The following SETX variants were observed in gnomAD, a reference collection of about 807,000 sequenced individuals.
SETX encodes helicase senataxin.
Under a neutral mutation model 227.2 loss-of-function variants are expected in SETX, and 90 were observed. The observed-to-expected ratio is 0.40, with a 90% CI of 0.33 to 0.47. The LOEUF is 0.47. SETX is among the 20% of genes least tolerant of loss of function. The pLI is 0.91. For synonymous variants in SETX, 1,210 were observed against 1,113.2 expected, an observed-to-expected ratio of 1.09 and a Z score of -1.73; for missense variants, 3,052 against 3,181.5, an observed-to-expected ratio of 0.96 and a Z score of 0.98.
At chr9:132,356,402 A>G (rs1244996922), upstream of SETX, among the ~76,000 whole-genome samples, 5 of 152,174 alleles carry the variant, frequency 3.3e-5, no homozygotes, top group East Asian at 7.7e-4. Flanking sequence ...GGGTTTCACC[A>G]TGTTGGCCAG....
In SETX at chr9:132,349,453, G is replaced by C. The variant is rs376327206; in HGVS notation, c.-7-18C>G. 8 of 1,613,702 alleles carry C rather than the reference G, an allele frequency of 5.0e-6. No individual in the cohort carries two copies. The Middle Eastern group carries it at 4.9e-4, about 99-fold the overall frequency. On this transcript the variant is annotated intron_variant, in intron 2 of 25. Coordinates refer to ENST00000224140, the MANE Select transcript of SETX (RefSeq NM_015046.7). The stretch of plus-strand genomic sequence containing the variant: ...TTCTGTACCTACAGCCAGAAAAGAT[G>C]ACATCAAGAAGAAAACCAACTTCAG...
chr9:132,265,528 T>A (rs952406132), intron 25 of SETX, among the ~76,000 whole-genome samples: 4 of 152,128 alleles, frequency 2.6e-5, no homozygotes, highest in African/African-American at 9.7e-5. Flanking sequence ...CTGGCCGAAC[T>A]TCAGCCATTT....
At chr9:132,336,230 G>T in intron 6 of SETX, 66 bp downstream of exon 6, 1 of 1,368,730 alleles carries the variant, frequency 7.3e-7, no homozygotes, top group Non-Finnish European at 1.0e-6. Flanking sequence ...GCAACAGAGT[G>T]AGACTGTCTC....
At position 132,333,409 on chromosome 9, in the gene SETX, AT is replaced by A. The variant is rs1376863643; in HGVS notation, c.838+1198del. On this transcript the variant is annotated intron_variant, in intron 7 of 25. Coordinates refer to ENST00000224140, the MANE Select transcript of SETX (RefSeq NM_015046.7). ...AAAAAAAAAAAAAAGAAAAAAAAAA[AT>A]ATATATACACACACACACACACACA... Among the ~76,000 whole-genome samples, 19 of 21,334 alleles carry A rather than the reference AT, an allele frequency of 8.9e-4. 1 individual carries two copies. Among genetic ancestry groups the A allele is most frequent in the African/African-American group, 2.0e-3 (11 of 5,518 alleles). The allele number at this position is 21,334 out of a possible 152,430, so 14.0% of individuals were successfully genotyped here. A position where few individuals can be genotyped will look rare whatever the true frequency, so the allele number is the denominator to read the frequency against.
Position 132,278,189 on chromosome 9 carries a change from T to C in SETX, c.6723A>G (p.Val2241=), listed in dbSNP as rs776133022. The change falls in exon 21 of 26, where the codon GTA becomes GTG. Residue 2241 remains valine (V), a synonymous_variant. Transcript: ENST00000224140. ...ARFCRLLEEN[V]EHNMISRLPI... ...GCAGCCTGCTGATCATGTTGTGTTC[T>C]ACATTCTCTTCCAGCAGTCTGCAGA... 1.2e-6 allele frequency: 2 copies of C among 1,614,224 alleles called. No individual in the cohort carries two copies.
At chr9:132,323,717 C>T (rs1026991081) in intron 10 of SETX, among the ~76,000 whole-genome samples, 5 of 152,032 alleles carry the variant, frequency 3.3e-5, no homozygotes, top group African/African-American at 1.2e-4. Context: ...GCCTAGGCAA[C>T]ATGGGAAAAA....
intron 10 of SETX, among the ~76,000 whole-genome samples, chr9:132,322,203 G>T (rs1430668336): frequency 2.0e-5 from 3 of 152,024 alleles, no homozygotes; most frequent in Non-Finnish European, 4.4e-5. Context: ...TCTTTTTAAA[G>T]TAATATTTTT....
At chr9:132,314,495 A>T (rs1178922688) in intron 10 of SETX, among the ~76,000 whole-genome samples, 1 of 152,230 alleles carries the variant, frequency 6.6e-6, no homozygotes, top group Non-Finnish European at 1.5e-5. Flanking sequence ...AAGTGCTGGG[A>T]TTACAGATGT....
At position 132,326,378 on chromosome 9, in the gene SETX, A is replaced by G. The variant is rs373664984; in HGVS notation, c.5220T>C (p.Tyr1740=). The change falls in exon 10 of 26, where the codon TAT becomes TAC. Residue 1740 remains tyrosine, a synonymous_variant. Coordinates refer to ENST00000224140, the MANE Select transcript of SETX (RefSeq NM_015046.7). The part of the protein sequence containing the change: ...SRPVPVRFHN[Y]GDYFNVFFPL... ...GGAAAAAAACATTAAAATAATCTCCATAATTGTGAAATCTGACAGGCACAG... is the reference window on the plus strand; with the variant it reads ...GGAAAAAAACATTAAAATAATCTCCGTAATTGTGAAATCTGACAGGCACAG... 10 of 1,613,946 alleles carry G rather than the reference A, an allele frequency of 6.2e-6. No individual in the cohort carries two copies. The highest frequency in any genetic ancestry group is 5.3e-5 in the African/African-American group (4 of 74,936).
chr9:132,344,548 T>C (rs898060150), intron 4 of SETX, among the ~76,000 whole-genome samples: 5 of 152,164 alleles, frequency 3.3e-5, no homozygotes, highest in African/African-American at 7.2e-5. Flanking sequence ...TTTGCAACTA[T>C]TGGGAAAATA....
Position 132,334,653 on chromosome 9 carries a change from C to A in SETX, c.793G>T (p.Asp265Tyr). 6.2e-7 allele frequency: 1 copy of A among 1,614,080 alleles called. No homozygotes were observed. Among genetic ancestry groups the A allele is most frequent in the Middle Eastern group, 1.6e-4 (1 of 6,062 alleles). ...GTGTGAAGTATCGATTGCATAAAAT[C>A]ATTTTGTTTGTCTGAGCCCAACAAC... ...SLLLGSDKQN[D>Y]FMQSILHTME... The change falls in exon 7 of 26, where the codon GAT becomes TAT. Residue 265 changes from aspartate to tyrosine, a missense_variant. This residue lies in a region of SETX where 239 missense variants were observed against 240.8 expected (regional missense o/e 0.99). Coordinates refer to ENST00000224140, the MANE Select transcript of SETX (RefSeq NM_015046.7).
intron 19 of SETX, among the ~76,000 whole-genome samples, chr9:132,282,544 T>A (rs1488692355): frequency 6.6e-6 from 1 of 151,950 alleles, no homozygotes; most frequent in Non-Finnish European, 1.5e-5. Context: ...CCCTCCTCAG[T>A]CTCCCAAAGT....
At chr9:132,350,170 T>G (rs749737143) in intron 2 of SETX, among the ~76,000 whole-genome samples, 2 of 152,128 alleles carry the variant, frequency 1.3e-5, no homozygotes, top group African/African-American at 4.8e-5. Flanking sequence ...CTGGCCAACA[T>G]GGTGAAACCC....
Position 132,327,300 on chromosome 9 carries a change from G to A in SETX, c.4298C>T (p.Thr1433Ile). Residue 1433 changes from threonine to isoleucine, a missense_variant, in exon 10 of 26, where the codon ACT becomes ATT. This residue lies in a region of SETX where 1,483 missense variants were observed against 1,312.0 expected (regional missense o/e 1.13). Coordinates refer to ENST00000224140, the MANE Select transcript of SETX (RefSeq NM_015046.7). ...TIKAKHGSPATDDACPLNQCD... is the reference protein window; with the variant it reads ...TIKAKHGSPAIDDACPLNQCD... ...CTGGTTCAAAGGGCAAGCATCATCA[G>A]TTGCTGGAGACCCATGTTTTGCTTT... 6.2e-7 allele frequency: 1 copy of A among 1,614,214 alleles called. No homozygotes were observed. The highest frequency in any genetic ancestry group is 8.5e-7 in the Non-Finnish European group (1 of 1,180,040).
Position 132,351,333 on chromosome 9 carries a change from T to C in SETX, c.-7-1898A>G, listed in dbSNP as rs77493880. On this transcript the variant is annotated intron_variant, in intron 2 of 25. Coordinates refer to ENST00000224140, the MANE Select transcript of SETX (RefSeq NM_015046.7). Reference sequence around the variant, plus strand: ...ACTACCATGCAAATAAAATGTTGCATACTTCTTTTCCCACTTACCTTACTT... The same window carrying C: ...ACTACCATGCAAATAAAATGTTGCACACTTCTTTTCCCACTTACCTTACTT... 2.9e-3 allele frequency among the ~76,000 whole-genome samples: 445 copies of C among 152,330 alleles called. 2 individuals carry two copies. Among genetic ancestry groups the C allele is most frequent in the Non-Finnish European group, 4.3e-3 (293 of 68,028 alleles).
intron 20 of SETX, among the ~76,000 whole-genome samples, chr9:132,281,248 A>T (rs1212311355): frequency 6.6e-6 from 1 of 152,182 alleles, no homozygotes; most frequent in Non-Finnish European, 1.5e-5. Context: ...AGTCCCTGCC[A>T]CACTGCTTCT....
chr9:132,264,536 G>C lies in SETX; in HGVS notation c.7737C>G (p.Val2579=). The change falls in exon 26 of 26, where the codon GTC becomes GTG. Residue 2579 remains valine, a synonymous_variant. Transcript: ENST00000224140. ...TPPTGEPGFP[V]VHQDLSHIQQ... Reference sequence around the variant, plus strand: ...GTATATGGCTCAGGTCCTGGTGAACGACAGGGAAGCCCGGCTCGCCCGTAG... The same window carrying C: ...GTATATGGCTCAGGTCCTGGTGAACCACAGGGAAGCCCGGCTCGCCCGTAG... 1 of 1,613,992 alleles carries C rather than the reference G, an allele frequency of 6.2e-7. No homozygotes were observed. Among genetic ancestry groups the C allele is most frequent in the Non-Finnish European group, 8.5e-7 (1 of 1,179,980 alleles).
intron 18 of SETX, among the ~76,000 whole-genome samples, chr9:132,284,479 T>C (rs756079581): frequency 7.9e-5 from 12 of 152,186 alleles, no homozygotes; most frequent in Non-Finnish European, 2.9e-5. Context: ...ACTACTAACG[T>C]CATCAGTTAC....
chr9:132,341,274 CT>C (rs1422261959), intron 5 of SETX, among the ~76,000 whole-genome samples: 3 of 152,096 alleles, frequency 2.0e-5, no homozygotes, highest in African/African-American at 4.8e-5. Flanking sequence ...CCCTTGTCAA[CT>C]CAGAGTTTCT....
Sources: allele counts gnomAD v4.1 joint callset (sites outside exome capture counted in the v4.1 genomes callset), GRCh38; gene constraint gnomAD v4.1.1; regional missense constraint gnomAD v4.1.1; transcripts MANE v1.5; gene names NCBI Gene and HGNC (gene_info 2026-07-23, HGNC 2026-07-21).